Variants in FAM162A observed in about 807,000 individuals in gnomAD.
FAM162A encodes the protein protein FAM162A.
FAM162A carries 23 observed loss-of-function variants against 21.8 expected under a neutral mutation model. The ratio of observed to expected loss-of-function variants is 1.05; its 90% confidence interval spans 0.76 to 1.49. The LOEUF is 1.49. Ranked by LOEUF, FAM162A falls within the 40% of genes most tolerant of loss-of-function variation. The pLI, the probability that FAM162A is intolerant of heterozygous loss-of-function variation, is 0.00. For synonymous variants in FAM162A, 53 were observed against 61.3 expected (o/e 0.86, Z 0.64); for missense variants, 165 against 186.4 (o/e 0.89, Z 0.67).
chr3:122,385,111 A>G lies in FAM162A; in HGVS notation c.34+812A>G, dbSNP rs556498608. ...ACATTATTAAAAAGTTGTTAATTAA[A>G]TTTTTAAAGGAAAAATAGCCCCAAA... is the stretch of plus-strand genomic sequence containing the variant. On this transcript the variant is annotated intron_variant, in intron 1 of 4. Transcript: ENST00000477892. 2.0e-5 allele frequency among the ~76,000 whole-genome samples: 3 copies of G among 152,288 alleles called. No homozygotes were observed. The South Asian group carries it at 6.2e-4, about 32-fold the overall frequency.
At chr3:122,406,947 A>T (rs918962152) in intron 3 of FAM162A, among the ~76,000 whole-genome samples, 11 of 151,696 alleles carry the variant, frequency 7.3e-5, no homozygotes, top group African/African-American at 2.7e-4. Context: ...GAAACCTGAG[A>T]GCCAAAATTG....
In FAM162A at chr3:122,386,570, A is replaced by AAG. The variant is rs1553776291; in HGVS notation, c.34+2272_34+2273insGA. ...GAGACCCTGTCTAAAAAAAAAAAAAAAAAAGAAAAGAAGCATAATCTAGGC... is the reference window on the plus strand; with the variant it reads ...GAGACCCTGTCTAAAAAAAAAAAAAAAGAAAAGAAAAGAAGCATAATCTAGGC... On this transcript the variant is annotated intron_variant, in intron 1 of 4. Coordinates refer to ENST00000477892, the MANE Select transcript of FAM162A (RefSeq NM_014367.4). Among the ~76,000 whole-genome samples, 80 of 150,664 alleles carry AAG rather than the reference A, an allele frequency of 5.3e-4. 1 individual carries two copies. The highest frequency in any genetic ancestry group is 1.8e-3 in the African/African-American group (74 of 40,778).
At chr3:122,396,038 A>G (rs1275892974) in intron 1 of FAM162A, among the ~76,000 whole-genome samples, 1 of 152,220 alleles carries the variant, frequency 6.6e-6, no homozygotes, top group Non-Finnish European at 1.5e-5. Context: ...GTATACTAGT[A>G]TAACTCAAAA....
chr3:122,389,033 A>G (rs2075587288), intron 1 of FAM162A, among the ~76,000 whole-genome samples: 1 of 150,788 alleles, frequency 6.6e-6, no homozygotes, highest in Non-Finnish European at 1.5e-5. Flanking sequence ...TGGGCAACAG[A>G]GCAAGACTCC....
chr3:122,396,692 A>G (rs2075629200), intron 1 of FAM162A, among the ~76,000 whole-genome samples: 2 of 152,238 alleles, frequency 1.3e-5, no homozygotes, highest in African/African-American at 2.4e-5. Context: ...TGTTTATAAC[A>G]GTATTATTCA....
chr3:122,396,929 A>G (rs2075630894), intron 1 of FAM162A, among the ~76,000 whole-genome samples: 1 of 64,840 alleles, frequency 1.5e-5, no homozygotes, highest in South Asian at 5.5e-4. Flanking sequence ...ATCCATAGAG[A>G]CTGTGACTTT....
At chr3:122,404,598 A>G (rs979179302) in intron 3 of FAM162A, among the ~76,000 whole-genome samples, 11 of 152,238 alleles carry the variant, frequency 7.2e-5, no homozygotes, top group African/African-American at 2.7e-4. Context: ...GGTACTCTGA[A>G]GTCAATTGAT....
At chr3:122,409,703 C>G (rs1214306056) in intron 4 of FAM162A, 36 bp from the exon 5 acceptor site, 2 of 1,583,054 alleles carry the variant, frequency 1.3e-6, no homozygotes, top group Admixed American at 3.3e-5. Context: ...CCCTGACCAG[C>G]ATACAAATCA....
At chr3:122,404,572 T>C (rs772917718) in intron 3 of FAM162A, among the ~76,000 whole-genome samples, 14 of 152,248 alleles carry the variant, frequency 9.2e-5, no homozygotes, top group Non-Finnish European at 1.8e-4. Flanking sequence ...ACACAGTGAC[T>C]GGTGAAGAAC....
rs2075708546 is a variant in FAM162A, at chr3:122,412,107, C to T, written c.*2276C>T. Reference sequence around the variant, plus strand: ...GATATCTCATAGTCCTCAGATTTATCAAGCAAACGAAACTGAATGAGCACT... The same window carrying T: ...GATATCTCATAGTCCTCAGATTTATTAAGCAAACGAAACTGAATGAGCACT... On this transcript the variant is annotated 3_prime_UTR_variant, in exon 5 of 5. Transcript: ENST00000477892. 6.6e-6 allele frequency: 1 copy of T among 152,158 alleles called. No homozygotes were observed. Among genetic ancestry groups the T allele is most frequent in the African/African-American group, 2.4e-5 (1 of 41,428 alleles). 9.4% of individuals were successfully genotyped at this position (152,158 alleles called of 1,614,324 possible).
Position 122,406,963 on chromosome 3 carries a change from C to T in FAM162A, c.264-318C>T, listed in dbSNP as rs376572006. On this transcript the variant is annotated intron_variant, in intron 3 of 4. Coordinates refer to ENST00000477892, the MANE Select transcript of FAM162A (RefSeq NM_014367.4). The stretch of plus-strand genomic sequence containing the variant: ...AAACCTGAGAGCCAAAATTGGGGTC[C>T]ACCATAGCAAGTGTAGATTAATATG... Among the ~76,000 whole-genome samples the T allele has an allele frequency of 2.6e-5, 4 of 151,826 alleles. No homozygotes were observed. The East Asian group carries it at 5.8e-4, about 22-fold the overall frequency.
intron 1 of FAM162A, chr3:122,401,444 GCTTGA>G: frequency 1.7e-6 from 2 of 1,177,464 alleles, no homozygotes; most frequent in Non-Finnish European, 2.1e-6. Flanking sequence ...GAGAGATCAG[GCTTGA>G]CTTGAGAGCA....
intron 1 of FAM162A, among the ~76,000 whole-genome samples, chr3:122,393,641 T>A (rs2075614461): frequency 6.6e-6 from 1 of 152,222 alleles, no homozygotes; most frequent in South Asian, 2.1e-4. Context: ...TGGAGTTTAT[T>A]CACTGCAAAC....
At chr3:122,388,272 A>G (rs1054290372) in intron 1 of FAM162A, among the ~76,000 whole-genome samples, 2 of 152,224 alleles carry the variant, frequency 1.3e-5, no homozygotes, top group South Asian at 2.1e-4. Context: ...TGAGGACTAC[A>G]GAAGTATTGC....
intron 4 of FAM162A, 102 bp downstream of exon 4, chr3:122,407,491 C>T: frequency 4.9e-6 from 4 of 808,766 alleles, no homozygotes; most frequent in Non-Finnish European, 8.1e-6. Flanking sequence ...GAAGAGGAGG[C>T]TACTTTCTAC....
intron 1 of FAM162A, among the ~76,000 whole-genome samples, chr3:122,393,827 A>G (rs922421701): frequency 2.0e-5 from 3 of 152,218 alleles, no homozygotes; most frequent in African/African-American, 7.2e-5. Flanking sequence ...CACATTTTCC[A>G]GGAAAAACCT....
At chr3:122,391,688 C>T (rs1365789059) in intron 1 of FAM162A, among the ~76,000 whole-genome samples, 2 of 152,236 alleles carry the variant, frequency 1.3e-5, no homozygotes, top group Non-Finnish European at 2.9e-5. Context: ...TCCCATTATT[C>T]ATTCTGTTCT....
intron 1 of FAM162A, among the ~76,000 whole-genome samples, chr3:122,402,339 T>C (rs1246292054): frequency 1.3e-5 from 2 of 152,158 alleles, no homozygotes; most frequent in Non-Finnish European, 2.9e-5. Flanking sequence ...AGTCACTTGC[T>C]GACCACTGCA....
intron 1 of FAM162A, among the ~76,000 whole-genome samples, chr3:122,399,160 A>C (rs2075642260): frequency 6.6e-6 from 1 of 151,902 alleles, no homozygotes; most frequent in African/African-American, 2.4e-5. Flanking sequence ...TTTAGCTCCC[A>C]CTTATTAATG....
Sources: gnomAD v4.1 joint callset for allele counts (sites outside exome capture counted in the v4.1 genomes callset) on GRCh38, gnomAD v4.1.1 for gene constraint, MANE v1.5 for transcripts, NCBI Gene and HGNC (gene_info 2026-07-23, HGNC 2026-07-21) for gene names.